The following PRDX6 variants were observed in gnomAD, a reference collection of about 807,000 sequenced individuals.
PRDX6 encodes peroxiredoxin-6.
A neutral mutation model predicts 20.0 loss-of-function variants in PRDX6; 13 were observed. That is an observed-to-expected ratio of 0.65 (90% CI 0.42 to 1.03). The LOEUF (loss-of-function observed/expected upper bound fraction) is 1.03, where lower values mean the gene tolerates loss of function less well. Ranked by LOEUF, PRDX6 falls within the 50% of genes least tolerant of loss-of-function variation. The pLI, the probability that PRDX6 is intolerant of heterozygous loss-of-function variation, is 0.00. For synonymous variants in PRDX6, 85 were observed against 100.8 expected (o/e 0.84, Z 0.94); for missense variants, 203 against 276.9 (o/e 0.73, Z 1.89).
chr1:173,481,427 T>A lies in PRDX6; in HGVS notation c.197T>A (p.Val66Asp). 1 of 1,614,084 alleles carries A rather than the reference T, an allele frequency of 6.2e-7. No homozygotes were observed. Among genetic ancestry groups the A allele is most frequent in the African/African-American group, 1.3e-5 (1 of 75,042 alleles). The change falls in exon 2 of 5, where the codon GTT (valine) becomes GAT (aspartate). Residue 66 changes from valine (V) to aspartate (D), a missense_variant. Val to Asp is a radical substitution (Grantham distance 152). Coordinates refer to ENST00000340385, the MANE Select transcript of PRDX6 (RefSeq NM_004905.3). Reference protein sequence around the residue: ...KLAPEFAKRNVKLIALSIDSV... With the variant: ...KLAPEFAKRNDKLIALSIDSV... ...GCACCAGAATTTGCCAAGAGGAATGTTAAGTTGATTGCCCTTTCAATAGAC... is the reference window on the plus strand; with the variant it reads ...GCACCAGAATTTGCCAAGAGGAATGATAAGTTGATTGCCCTTTCAATAGAC...
At position 173,485,375 on chromosome 1, in the gene PRDX6, C is replaced by A; in HGVS notation, c.267C>A (p.Tyr89Ter). 2 of 1,598,198 alleles carry A rather than the reference C, an allele frequency of 1.3e-6. No individual in the cohort carries two copies. Among genetic ancestry groups the A allele is most frequent in the Non-Finnish European group, 8.5e-7 (1 of 1,171,866 alleles). Residue 89 changes from tyrosine (Y) to a stop codon, truncating the protein, a stop_gained, in exon 3 of 5, where the codon TAC becomes TAA. Transcript: ENST00000340385. LOFTEE classifies it high-confidence loss of function. ...HLAWSKDINA[Y>*]NCEEPTEKLP... ...TTGTGTTTCAGGATATCAATGCTTA[C>A]AATTGTGAAGAGCCCACAGAAAAGT...
intron 4 of PRDX6, among the ~76,000 whole-genome samples, chr1:173,487,355 G>T (rs1410879707): frequency 1.3e-5 from 2 of 152,182 alleles, no homozygotes; most frequent in African/African-American, 4.8e-5. Context: ...AGTGAGCTTG[G>T]CATGTTGGAG....
At position 173,477,363 on chromosome 1, in the gene PRDX6, T is replaced by G. The variant is rs771527741; in HGVS notation, c.-35T>G. ...TCTTCGCCAGAACCAACCGGTTGCT[T>G]GCTGTCCCAGCGGCGCCCCCTCATC... On this transcript the variant is annotated 5_prime_UTR_variant, in exon 1 of 5. Transcript: ENST00000340385. 5 of 1,554,446 alleles carry G rather than the reference T, an allele frequency of 3.2e-6. No individual in the cohort carries two copies. The highest frequency in any genetic ancestry group is 1.7e-4 in the Middle Eastern group (1 of 5,926).
intron 2 of PRDX6, among the ~76,000 whole-genome samples, chr1:173,482,323 G>A (rs1050380235): frequency 1.3e-5 from 2 of 151,964 alleles, no homozygotes; most frequent in Non-Finnish European, 1.5e-5. Flanking sequence ...TCCTTTTCAC[G>A]TTCACCATCC....
intron 1 of PRDX6, 142 bp from the exon 2 acceptor site, chr1:173,481,184 A>C (rs2101857087): frequency 1.2e-6 from 1 of 836,924 alleles, no homozygotes; most frequent in South Asian, 1.8e-5. Flanking sequence ...TCCTCAACAG[A>C]AAAGCTTAAA....
chr1:173,477,338 T>G lies in PRDX6; in HGVS notation c.-60T>G. 5.8e-6 allele frequency: 8 copies of G among 1,370,726 alleles called. No homozygotes were observed. Among genetic ancestry groups the G allele is most frequent in the Admixed American group, 1.9e-5 (1 of 53,636 alleles). 84.9% of individuals were successfully genotyped at this position (1,370,726 alleles called of 1,614,324 possible). The stretch of plus-strand genomic sequence containing the variant: ...CCTCCGCGCGCTGGGACAGGCTGCT[T>G]CTTCGCCAGAACCAACCGGTTGCTT... On this transcript the variant is annotated 5_prime_UTR_variant, in exon 1 of 5. Coordinates refer to ENST00000340385, the MANE Select transcript of PRDX6 (RefSeq NM_004905.3).
intron 3 of PRDX6, 61 bp from the exon 4 acceptor site, chr1:173,486,193 TC>T: frequency 7.0e-7 from 1 of 1,422,796 alleles, no homozygotes; most frequent in Non-Finnish European, 9.4e-7. Context: ...TGCAGAGCTT[TC>T]TAAGTGGCTT....
Position 173,487,749 on chromosome 1 carries a change from G to C in PRDX6, c.561G>C (p.Val187=). ...TCTTTCAATAGGATGGGGATAGTGT[G>C]ATGGTCCTTCCAACCATCCCTGAAG... ...TPVDWKDGDS[V]MVLPTIPEEE... Residue 187 remains valine (V), a synonymous_variant, in exon 5 of 5, where the codon GTG becomes GTC. Transcript: ENST00000340385. 6.2e-7 allele frequency: 1 copy of C among 1,614,132 alleles called. No individual in the cohort carries two copies. The highest frequency in any genetic ancestry group is 1.3e-5 in the African/African-American group (1 of 75,024).
chr1:173,478,516 T>A (rs987697410), intron 1 of PRDX6, among the ~76,000 whole-genome samples: 3 of 144,226 alleles, frequency 2.1e-5, no homozygotes, highest in Non-Finnish European at 3.1e-5. Context: ...GGTGTTGCCC[T>A]TTTTTTTTTT....
At chr1:173,481,620 CCA>C (rs1377625621) in intron 2 of PRDX6, 138 bp downstream of exon 2, 7 of 890,758 alleles carry the variant, frequency 7.9e-6, no homozygotes, top group Non-Finnish European at 1.0e-5. Context: ...TTCAGTTGAA[CCA>C]CACAGTGATC....
At chr1:173,481,757 T>C (rs1658805083) in intron 2 of PRDX6, 1 of 369,452 alleles carries the variant, frequency 2.7e-6, no homozygotes, top group Non-Finnish European at 5.0e-6. Context: ...GACACCACAT[T>C]CTAGCTGTTC....
chr1:173,478,549 C>G (rs1269257189), intron 1 of PRDX6, among the ~76,000 whole-genome samples: 1 of 151,608 alleles, frequency 6.6e-6, no homozygotes, highest in African/African-American at 2.4e-5. Context: ...AATCAGCAAA[C>G]TGGAAGTTGC....
intron 1 of PRDX6, among the ~76,000 whole-genome samples, chr1:173,480,955 A>G (rs1315845749): frequency 1.5e-4 from 23 of 152,246 alleles, no homozygotes; most frequent in Admixed American, 1.5e-3. Context: ...AATGTAGAAA[A>G]GGATAAGAAG....
intron 1 of PRDX6, 167 bp from the exon 2 acceptor site, chr1:173,481,159 T>C: frequency 1.6e-6 from 1 of 642,310 alleles, no homozygotes; most frequent in South Asian, 2.0e-5. Context: ...TGGAGGTAAG[T>C]AGATTGAAAA....
chr1:173,479,200 T>A lies in PRDX6; in HGVS notation c.95+1708T>A, dbSNP rs539746229. On this transcript the variant is annotated intron_variant, in intron 1 of 4. Coordinates refer to ENST00000340385, the MANE Select transcript of PRDX6 (RefSeq NM_004905.3). ...ATGTTTATTGGCCTCTAGATCCATC[T>A]AGATTTGATCAAAAGTGGTACTTTA... Among the ~76,000 whole-genome samples the A allele has an allele frequency of 2.6e-5, 4 of 152,350 alleles. No individual in the cohort carries two copies. In the South Asian group the frequency reaches 6.2e-4, roughly 24 times the overall value.
intron 1 of PRDX6, among the ~76,000 whole-genome samples, chr1:173,478,373 C>G (rs1473025480): frequency 6.6e-6 from 1 of 152,200 alleles, no homozygotes; most frequent in Admixed American, 6.5e-5. Context: ...CTCTTGTTTT[C>G]CAGTGGCTTG....
chr1:173,486,980 A>G (rs1335772186), intron 4 of PRDX6, among the ~76,000 whole-genome samples: 1 of 152,212 alleles, frequency 6.6e-6, no homozygotes, highest in African/African-American at 2.4e-5. Context: ...AATCACTTAA[A>G]TTCTGTATCC....
chr1:173,483,622 G>A (rs953736337), intron 2 of PRDX6, among the ~76,000 whole-genome samples: 12 of 152,146 alleles, frequency 7.9e-5, no homozygotes, highest in Admixed American at 5.9e-4. Flanking sequence ...TCACATCTCC[G>A]TTGAGAAATC....
intron 2 of PRDX6, among the ~76,000 whole-genome samples, chr1:173,484,151 T>TA (rs200260652): frequency 0.18 from 21,701 of 117,362 alleles, 2,708 homozygotes; most frequent in East Asian, 0.36. Flanking sequence ...GATATATATA[T>TA]TTATATATAT....
Sources: allele counts gnomAD v4.1 joint callset (sites outside exome capture counted in the v4.1 genomes callset), GRCh38; gene constraint gnomAD v4.1.1; transcripts MANE v1.5; gene names NCBI Gene and HGNC (gene_info 2026-07-23, HGNC 2026-07-21).